Variants in SGCD observed in about 807,000 individuals in gnomAD.
The protein encoded by SGCD is sarcoglycan delta, also known as delta-sarcoglycan.
Under a neutral mutation model 36.6 loss-of-function variants are expected in SGCD, and 18 were observed. The observed-to-expected ratio is 0.49, with a 90% CI of 0.34 to 0.73. The LOEUF (loss-of-function observed/expected upper bound fraction) is 0.73, where lower values mean the gene tolerates loss of function less well. SGCD is among the 30% of genes least tolerant of loss of function. SGCD has a pLI of 0.01. For synonymous variants in SGCD, 133 were observed against 130.6 expected (o/e 1.02, Z -0.12); for missense variants, 387 against 346.7 (o/e 1.12, Z -0.92).
At chr5:156,070,630 A>G (rs973402931) in intron 1 of SGCD, among the ~76,000 whole-genome samples, 2 of 152,060 alleles carry the variant, frequency 1.3e-5, no homozygotes, top group Non-Finnish European at 1.5e-5. Flanking sequence ...TGGTATCAGG[A>G]TGATGCTGGC....
chr5:156,222,111 T>G (rs975135596), intron 3 of SGCD, among the ~76,000 whole-genome samples: 9 of 152,046 alleles, frequency 5.9e-5, no homozygotes, highest in Non-Finnish European at 8.8e-5. Context: ...AAAATTTCAG[T>G]TCTGCTCTTT....
intron 3 of SGCD, among the ~76,000 whole-genome samples, chr5:156,270,164 G>T (rs986862855): frequency 4.6e-5 from 7 of 152,178 alleles, no homozygotes; most frequent in African/African-American, 1.7e-4. Flanking sequence ...CTTTGTTGAA[G>T]ATCAGATGGT....
At chr5:156,068,960 T>C (rs187138699) in intron 1 of SGCD, among the ~76,000 whole-genome samples, 2 of 151,978 alleles carry the variant, frequency 1.3e-5, no homozygotes, top group Non-Finnish European at 2.9e-5. Flanking sequence ...GCCCACTTTT[T>C]GATGGGGTTG....
At chr5:155,906,999 G>A (rs1402779986) in intron 1 of SGCD, among the ~76,000 whole-genome samples, 1 of 152,076 alleles carries the variant, frequency 6.6e-6, no homozygotes, top group Non-Finnish European at 1.5e-5. Flanking sequence ...TCACAGGGCA[G>A]GTTGATTCTC....
intron 6 of SGCD, among the ~76,000 whole-genome samples, chr5:156,609,216 C>T (rs138095347): frequency 0.052 from 7,900 of 151,894 alleles, 680 homozygotes; most frequent in African/African-American, 0.18. Flanking sequence ...TGCTTCCTTC[C>T]GGAGCTGTTT....
chr5:156,445,551 T>C (rs1354496951), intron 3 of SGCD, among the ~76,000 whole-genome samples: 1 of 152,136 alleles, frequency 6.6e-6, no homozygotes, highest in East Asian at 1.9e-4. Flanking sequence ...GAGAATGAGA[T>C]GTTAGCAACG....
chr5:156,702,880 T>G (rs1485759782), intron 7 of SGCD, among the ~76,000 whole-genome samples: 1 of 152,162 alleles, frequency 6.6e-6, no homozygotes, highest in Non-Finnish European at 1.5e-5. Flanking sequence ...CAGAGCAAAG[T>G]GCAGCCATGC....
intron 6 of SGCD, among the ~76,000 whole-genome samples, chr5:156,611,902 A>C (rs1362493170): frequency 6.6e-6 from 1 of 152,130 alleles, no homozygotes; most frequent in Non-Finnish European, 1.5e-5. Context: ...TCATTTATTG[A>C]ATTTTTCAAC....
intron 1 of SGCD, among the ~76,000 whole-genome samples, chr5:156,058,205 T>C (rs775004264): frequency 6.8e-6 from 1 of 146,286 alleles, no homozygotes; most frequent in Admixed American, 6.8e-5. Context: ...TACCAATTTA[T>C]ATTAAAAGCA....
intron 3 of SGCD, among the ~76,000 whole-genome samples, chr5:156,370,268 A>G (rs1292897199): frequency 6.6e-6 from 1 of 152,198 alleles, no homozygotes; most frequent in Non-Finnish European, 1.5e-5. Flanking sequence ...AGTGCCAAGA[A>G]GGCAGGGGTG....
At chr5:156,063,147 C>T (rs1760273399) in intron 1 of SGCD, among the ~76,000 whole-genome samples, 1 of 2,984 alleles carries the variant, frequency 3.4e-4, no homozygotes, top group Non-Finnish European at 7.9e-4. Context: ...CAGCTTTCTA[C>T]ATATGGCTAG....
At chr5:155,886,277 G>C (rs763153382) in intron 1 of SGCD, among the ~76,000 whole-genome samples, 1 of 152,200 alleles carries the variant, frequency 6.6e-6, no homozygotes, top group Admixed American at 6.5e-5. Context: ...AGGATGTGGA[G>C]CTCCCTGGCC....
chr5:156,466,036 A>T (rs1362417556), intron 3 of SGCD, among the ~76,000 whole-genome samples: 3 of 152,302 alleles, frequency 2.0e-5, no homozygotes, highest in African/African-American at 7.2e-5. Context: ...TATCTTTCAA[A>T]TCTCTCATTT....
At chr5:155,944,889 C>T (rs1581005076) in intron 1 of SGCD, among the ~76,000 whole-genome samples, 1 of 151,330 alleles carries the variant, frequency 6.6e-6, no homozygotes, top group African/African-American at 2.4e-5. Context: ...AAATACATGC[C>T]TTTGAAGATG....
At chr5:156,647,363 G>C in intron 6 of SGCD, 101 bp from the exon 7 acceptor site, 1 of 729,692 alleles carries the variant, frequency 1.4e-6, no homozygotes. Context: ...ATGGGGTTGT[G>C]TAATGGATTC....
chr5:156,630,439 C>A (rs549988802), intron 6 of SGCD, among the ~76,000 whole-genome samples: 1 of 152,278 alleles, frequency 6.6e-6, no homozygotes, highest in South Asian at 2.1e-4. Context: ...TCACAGTCAA[C>A]AATAAATTAA....
intron 7 of SGCD, among the ~76,000 whole-genome samples, chr5:156,747,670 G>A (rs890367894): frequency 6.6e-6 from 1 of 152,056 alleles, no homozygotes; most frequent in Non-Finnish European, 1.5e-5. Flanking sequence ...GGAAGCCACG[G>A]TCTTTTTACA....
intron 1 of SGCD, among the ~76,000 whole-genome samples, chr5:155,896,441 G>T (rs1193634194): frequency 1.4e-5 from 2 of 145,388 alleles, no homozygotes; most frequent in Non-Finnish European, 3.0e-5. Flanking sequence ...TTTGAGACCA[G>T]CCTGGGCAAC....
At chr5:156,202,731 C>T (rs111693124) in intron 3 of SGCD, among the ~76,000 whole-genome samples, 4,231 of 147,684 alleles carry the variant, frequency 0.029, 81 homozygotes, top group Non-Finnish European at 0.038. Flanking sequence ...TTCATGAAAA[C>T]GCAGTGGAGT....
Sources: gnomAD v4.1 joint callset for allele counts (sites outside exome capture counted in the v4.1 genomes callset) on GRCh38, gnomAD v4.1.1 for gene constraint, MANE v1.5 for transcripts, NCBI Gene and HGNC (gene_info 2026-07-23, HGNC 2026-07-21) for gene names.